Variants in MOB3B observed in about 807,000 individuals in gnomAD.
MOB3B encodes the protein MOB kinase activator 3B.
In MOB3B, 7 loss-of-function variants were observed where a neutral mutation model predicts 18.7. That is an observed-to-expected ratio of 0.37 (90% CI 0.21 to 0.70). MOB3B has a LOEUF of 0.70. MOB3B is among the 30% of genes least tolerant of loss of function. The pLI is 0.52. For synonymous variants in MOB3B, 111 were observed against 99.9 expected, an observed-to-expected ratio of 1.11 and a Z score of -0.66; for missense variants, 253 against 281.3, an observed-to-expected ratio of 0.90 and a Z score of 0.72.
intron 2 of MOB3B, among the ~76,000 whole-genome samples, chr9:27,378,001 AAC>A (rs1422903465): frequency 6.6e-6 from 1 of 152,236 alleles, no homozygotes; most frequent in Non-Finnish European, 1.5e-5. Context: ...CCAAGAAGCC[AAC>A]ACACATCAAT....
At chr9:27,517,193 G>A (rs1820248333) in intron 1 of MOB3B, among the ~76,000 whole-genome samples, 1 of 152,074 alleles carries the variant, frequency 6.6e-6, no homozygotes, top group African/African-American at 2.4e-5. Flanking sequence ...GATTAAGACT[G>A]GGTATCACTG....
intron 2 of MOB3B, among the ~76,000 whole-genome samples, chr9:27,430,427 G>A (rs1822400677): frequency 6.6e-6 from 1 of 152,196 alleles, no homozygotes; most frequent in Non-Finnish European, 1.5e-5. Context: ...CTGAGCAAAG[G>A]AAGCTACCTC....
chr9:27,465,249 C>T (rs1054203419), intron 1 of MOB3B, among the ~76,000 whole-genome samples: 5 of 152,082 alleles, frequency 3.3e-5, no homozygotes, highest in Non-Finnish European at 7.4e-5. Flanking sequence ...TTGGCCAAAA[C>T]AAAGGGGTTA....
At chr9:27,495,612 G>A (rs1819887062) in intron 1 of MOB3B, among the ~76,000 whole-genome samples, 1 of 152,168 alleles carries the variant, frequency 6.6e-6, no homozygotes, top group Admixed American at 6.5e-5. Context: ...GTAAACAAAT[G>A]AAGAAAGTAA....
At chr9:27,359,474 G>A (rs1205838184) in intron 2 of MOB3B, among the ~76,000 whole-genome samples, 1 of 152,110 alleles carries the variant, frequency 6.6e-6, no homozygotes, top group Non-Finnish European at 1.5e-5. Context: ...GCCATATAGG[G>A]ATGGAGGCCC....
chr9:27,461,235 G>A (rs1227029554), intron 1 of MOB3B, among the ~76,000 whole-genome samples: 2 of 152,156 alleles, frequency 1.3e-5, no homozygotes, highest in Non-Finnish European at 2.9e-5. Flanking sequence ...TTAGAGGGGT[G>A]TATGTATGTG....
At chr9:27,508,094 G>A (rs1225876043) in intron 1 of MOB3B, among the ~76,000 whole-genome samples, 1 of 152,132 alleles carries the variant, frequency 6.6e-6, no homozygotes, top group African/African-American at 2.4e-5. Flanking sequence ...CATTCTGGGG[G>A]ACCAAAGGAA....
chr9:27,379,296 C>T (rs563868125), intron 2 of MOB3B, among the ~76,000 whole-genome samples: 21 of 152,288 alleles, frequency 1.4e-4, no homozygotes, highest in East Asian at 1.2e-3. Flanking sequence ...GGGATTCTAA[C>T]GCACCTTTAG....
intron 2 of MOB3B, among the ~76,000 whole-genome samples, chr9:27,407,645 C>T (rs956829493): frequency 1.3e-5 from 2 of 152,102 alleles, no homozygotes; most frequent in Admixed American, 6.5e-5. Context: ...GGCCAGCTTC[C>T]CCACCCATGC....
At chr9:27,511,545 C>T (rs555677568) in intron 1 of MOB3B, among the ~76,000 whole-genome samples, 9 of 152,252 alleles carry the variant, frequency 5.9e-5, no homozygotes, top group Middle Eastern at 3.4e-3. Context: ...AAGCAAATGA[C>T]GGTACCATCC....
At chr9:27,378,603 T>G (rs1821525600) in intron 2 of MOB3B, 1 of 471,002 alleles carries the variant, frequency 2.1e-6, no homozygotes, top group Admixed American at 2.3e-5. Flanking sequence ...TTCTTCCCCC[T>G]GTATCTCACT....
intron 2 of MOB3B, among the ~76,000 whole-genome samples, chr9:27,403,518 T>A (rs1460172860): frequency 3.2e-4 from 6 of 18,508 alleles, no homozygotes; most frequent in Non-Finnish European, 6.2e-4. Context: ...CTTTACTAAT[T>A]TTTTTTTTTT....
chr9:27,472,994 A>G (rs1368403993), intron 1 of MOB3B, among the ~76,000 whole-genome samples: 1 of 152,260 alleles, frequency 6.6e-6, no homozygotes, highest in Non-Finnish European at 1.5e-5. Flanking sequence ...AACCATTTGC[A>G]AACATTTATG....
intron 1 of MOB3B, among the ~76,000 whole-genome samples, chr9:27,456,449 G>A (rs1822872348): frequency 6.6e-6 from 1 of 152,142 alleles, no homozygotes; most frequent in South Asian, 2.1e-4. Flanking sequence ...AGGAAGACAA[G>A]AGAAAAAGAG....
chr9:27,412,526 C>G (rs566999466), intron 2 of MOB3B, among the ~76,000 whole-genome samples: 11 of 152,270 alleles, frequency 7.2e-5, no homozygotes, highest in African/African-American at 2.6e-4. Context: ...AGTTATTAGT[C>G]TCTTGTTTGG....
chr9:27,327,349 A>C lies in MOB3B; in HGVS notation c.*3238T>G, dbSNP rs1024401132. 6.6e-6 allele frequency: 1 copy of C among 152,242 alleles called. No individual in the cohort carries two copies. Among genetic ancestry groups the C allele is most frequent in the African/African-American group, 2.4e-5 (1 of 41,460 alleles). The allele number at this position is 152,242 out of a possible 1,614,324, so 9.4% of individuals were successfully genotyped here. A position where few individuals can be genotyped will look rare whatever the true frequency, so the allele number is the denominator to read the frequency against. ...ACAACACCTGATCAGTCCTAATATC[A>C]GAAAAGAGACAAGTAGACATTATGT... is the stretch of plus-strand genomic sequence containing the variant. On this transcript the variant is annotated 3_prime_UTR_variant, in exon 4 of 4. Transcript: ENST00000262244.
intron 2 of MOB3B, among the ~76,000 whole-genome samples, chr9:27,445,890 A>G (rs1298971022): frequency 6.6e-6 from 1 of 151,988 alleles, no homozygotes; most frequent in Admixed American, 6.6e-5. Flanking sequence ...CACAATGAAC[A>G]CCTGACTCTT....
chr9:27,399,131 T>C (rs561092440), intron 2 of MOB3B, among the ~76,000 whole-genome samples: 160 of 152,304 alleles, frequency 1.1e-3, no homozygotes, highest in African/African-American at 3.7e-3. Flanking sequence ...ACTATTATCA[T>C]GCATGAATGA....
chr9:27,433,292 C>T (rs937929417), intron 2 of MOB3B, among the ~76,000 whole-genome samples: 3 of 152,068 alleles, frequency 2.0e-5, no homozygotes, highest in Admixed American at 1.3e-4. Context: ...GTCCCTATCT[C>T]CCCTTTTCTA....
Sources: allele counts gnomAD v4.1 joint callset (sites outside exome capture counted in the v4.1 genomes callset), GRCh38; gene constraint gnomAD v4.1.1; transcripts MANE v1.5; gene names NCBI Gene and HGNC (gene_info 2026-07-23, HGNC 2026-07-21).